The following PSME4 variants were observed in gnomAD, a reference collection of about 807,000 sequenced individuals.
PSME4 encodes the protein proteasome activator subunit 4, also known as proteasome activator complex subunit 4.
A neutral mutation model predicts 253.9 loss-of-function variants in PSME4; 89 were observed. The ratio of observed to expected loss-of-function variants is 0.35; its 90% confidence interval spans 0.30 to 0.42. PSME4 has a LOEUF of 0.42. Among genes scored for constraint, PSME4 ranks in the 10% least tolerant of loss-of-function variants. The probability of loss-of-function intolerance (pLI) is 1.00; values close to 1 mark genes in which losing one functional copy is unlikely to be tolerated. For missense variants in PSME4, 2,014 were observed against 2,195.2 expected (o/e 0.92, Z 1.65); for synonymous variants, 851 against 759.2 (o/e 1.12, Z -1.99).
chr2:53,921,153 G>C, intron 17 of PSME4, 49 bp from the exon 18 acceptor site: 2 of 1,606,240 alleles, frequency 1.2e-6, no homozygotes, highest in Non-Finnish European at 1.7e-6. Flanking sequence ...AAAAGAACAA[G>C]AACCAATCAT....
In PSME4 at chr2:53,864,863, G is replaced by A. The variant is rs1355049821; in HGVS notation, c.*715C>T. On this transcript the variant is annotated 3_prime_UTR_variant, in exon 47 of 47. Coordinates refer to ENST00000404125, the MANE Select transcript of PSME4 (RefSeq NM_014614.3). ...ATACAGGGAAAAAACAGCCAGTCAGGGTTTTTATTGTTGTTGCTGTTTATT... is the reference window on the plus strand; with the variant it reads ...ATACAGGGAAAAAACAGCCAGTCAGAGTTTTTATTGTTGTTGCTGTTTATT... 1.3e-5 allele frequency: 2 copies of A among 152,554 alleles called. No individual in the cohort carries two copies. Among genetic ancestry groups the A allele is most frequent in the Admixed American group, 6.5e-5 (1 of 15,272 alleles). 9.5% of individuals were successfully genotyped at this position (152,554 alleles called of 1,614,324 possible).
chr2:53,955,022 A>G (rs1274508333), intron 1 of PSME4, among the ~76,000 whole-genome samples: 1 of 150,016 alleles, frequency 6.7e-6, no homozygotes, highest in African/African-American at 2.5e-5. Flanking sequence ...TATAAAAAAA[A>G]TCGCCAGGTG....
At chr2:53,901,238 T>A in intron 28 of PSME4, 112 bp downstream of exon 28, 1 of 964,564 alleles carries the variant, frequency 1.0e-6, no homozygotes, top group South Asian at 1.6e-5. Flanking sequence ...AAAAAAACAC[T>A]GGACTCAAAT....
chr2:53,963,715 T>C (rs1021993404), intron 1 of PSME4, among the ~76,000 whole-genome samples: 1 of 152,086 alleles, frequency 6.6e-6, no homozygotes, highest in African/African-American at 2.4e-5. Context: ...AAAATGCAAA[T>C]GAAATGGAAA....
At position 53,970,869 on chromosome 2, in the gene PSME4, T is replaced by G; in HGVS notation, c.-85A>C. ...CTCCGGGCTCCGCCTCCTCCGCGTC[T>G]TCGTCGCCCTGCGGCCGCTGGCGGC... On this transcript the variant is annotated 5_prime_UTR_variant, in exon 1 of 47. Coordinates refer to ENST00000404125, the MANE Select transcript of PSME4 (RefSeq NM_014614.3). The G allele has an allele frequency of 8.4e-7, 1 of 1,197,204 alleles. No homozygotes were observed. The highest frequency in any genetic ancestry group is 1.1e-6 in the Non-Finnish European group (1 of 906,924). The allele number at this position is 1,197,204 out of a possible 1,614,324, so 74.2% of individuals were successfully genotyped here. A position where few individuals can be genotyped will look rare whatever the true frequency, so the allele number is the denominator to read the frequency against.
At chr2:53,868,329 GC>G (rs1303139892) in intron 44 of PSME4, among the ~76,000 whole-genome samples, 8 of 151,032 alleles carry the variant, frequency 5.3e-5, no homozygotes, top group Non-Finnish European at 8.8e-5. Flanking sequence ...GCGCGCGCCT[GC>G]AATCCTAGCT....
chr2:53,919,787 T>A (rs1376005003), intron 19 of PSME4, among the ~76,000 whole-genome samples: 2 of 152,106 alleles, frequency 1.3e-5, no homozygotes, highest in Non-Finnish European at 2.9e-5. Flanking sequence ...TTCAAATACT[T>A]ATTTCTTGTT....
At chr2:53,867,455 C>T (rs187621289) in intron 44 of PSME4, among the ~76,000 whole-genome samples, 1 of 148,054 alleles carries the variant, frequency 6.8e-6, no homozygotes, top group Admixed American at 6.8e-5. Flanking sequence ...GCCAAGATCG[C>T]ACCACTGTAC....
intron 1 of PSME4, among the ~76,000 whole-genome samples, chr2:53,965,673 T>G (rs1417189615): frequency 1.3e-5 from 2 of 150,908 alleles, no homozygotes; most frequent in East Asian, 1.9e-4. Flanking sequence ...TTTTTTTGTT[T>G]TTTTTTTTTT....
At chr2:53,937,590 T>C in intron 4 of PSME4, 50 bp from the exon 5 acceptor site, 1 of 1,548,796 alleles carries the variant, frequency 6.5e-7, no homozygotes, top group Non-Finnish European at 8.9e-7. Flanking sequence ...CTAAAAGCTC[T>C]ACAACAGCAA....
chr2:53,955,778 C>T (rs191760980), intron 1 of PSME4, among the ~76,000 whole-genome samples: 37 of 149,124 alleles, frequency 2.5e-4, no homozygotes, highest in Non-Finnish European at 4.9e-4. Context: ...AAAAATTAGC[C>T]GGGCGTGATA....
rs997622635 is a variant in PSME4, at chr2:53,868,323, G to A, written c.5263+1053C>T. Among the ~76,000 whole-genome samples the A allele has an allele frequency of 9.9e-5, 15 of 151,100 alleles. No homozygotes were observed. The East Asian group carries it at 2.5e-3, about 25-fold the overall frequency. On this transcript the variant is annotated intron_variant, in intron 44 of 46. Transcript: ENST00000404125. ...AAAAATTAGCCAGGTGTAGTAGCGC[G>A]CGCCTGCAATCCTAGCTACTCGGCT...
intron 7 of PSME4, among the ~76,000 whole-genome samples, chr2:53,935,778 A>G (rs924177524): frequency 2.0e-5 from 3 of 152,178 alleles, no homozygotes; most frequent in Admixed American, 2.0e-4. Context: ...AATTATTTAT[A>G]TATGTTTTTA....
intron 27 of PSME4, among the ~76,000 whole-genome samples, chr2:53,901,792 A>T (rs1680411593): frequency 6.6e-6 from 1 of 152,250 alleles, no homozygotes; most frequent in Non-Finnish European, 1.5e-5. Context: ...AGTTTGGGAC[A>T]GGTGAGGTGG....
chr2:53,932,066 T>C lies in PSME4; in HGVS notation c.1085A>G (p.Asn362Ser). Residue 362 changes from asparagine (N) to serine (S), a missense_variant, in exon 10 of 47, where the codon AAC (asparagine) becomes AGC (serine). Physicochemically the swap from Asn to Ser is conservative, Grantham distance 46 (BLOSUM62 1). This residue lies in a region of PSME4 where 615 missense variants were observed against 594.4 expected (regional missense o/e 1.03). Transcript: ENST00000404125. ...KLMKLLQRLP[N>S]SVVRRLHRER... Reference sequence around the variant, plus strand: ...ACGATGCAATCTTCTAACAACACTGTTTGGCAACCGCTGAAGTAGTTTCAT... The same window carrying C: ...ACGATGCAATCTTCTAACAACACTGCTTGGCAACCGCTGAAGTAGTTTCAT... The C allele has an allele frequency of 6.2e-7, 1 of 1,614,156 alleles. No individual in the cohort carries two copies. Among genetic ancestry groups the C allele is most frequent in the Non-Finnish European group, 8.5e-7 (1 of 1,179,994 alleles).
intron 40 of PSME4, among the ~76,000 whole-genome samples, chr2:53,886,118 C>A (rs1043973845): frequency 6.6e-6 from 1 of 152,116 alleles, no homozygotes; most frequent in Admixed American, 6.5e-5. Context: ...CAATCTAATT[C>A]AGAAATGGGC....
chr2:53,874,520 G>C, intron 42 of PSME4, 26 bp from the exon 43 acceptor site: 3 of 1,607,536 alleles, frequency 1.9e-6, no homozygotes, highest in Non-Finnish European at 2.6e-6. Context: ...AAATATAAAC[G>C]ATAAAGCAGT....
At chr2:53,867,693 A>AT (rs1272470796) in intron 44 of PSME4, among the ~76,000 whole-genome samples, 31 of 142,746 alleles carry the variant, frequency 2.2e-4, no homozygotes, top group Non-Finnish European at 6.1e-5. Flanking sequence ...AAAAAAAAGG[A>AT]TTTTTAAAGA....
chr2:53,913,386 C>CT (rs1171808090), intron 20 of PSME4, among the ~76,000 whole-genome samples: 1 of 152,058 alleles, frequency 6.6e-6, no homozygotes, highest in Non-Finnish European at 1.5e-5. Flanking sequence ...AAAGAAATAA[C>CT]TAATAACACA....
Sources: gnomAD v4.1 joint callset for allele counts (sites outside exome capture counted in the v4.1 genomes callset) on GRCh38, gnomAD v4.1.1 for gene constraint, gnomAD v4.1.1 regional missense constraint, MANE v1.5 for transcripts, NCBI Gene and HGNC (gene_info 2026-07-23, HGNC 2026-07-21) for gene names.